Variants in PHF20 observed in about 807,000 individuals in gnomAD.
The protein encoded by PHF20 is glioma-expressed antigen 2.
A neutral mutation model predicts 113.5 loss-of-function variants in PHF20; 23 were observed. The observed-to-expected ratio is 0.20, with a 90% CI of 0.15 to 0.29. The LOEUF (loss-of-function observed/expected upper bound fraction) is 0.29, where lower values mean the gene tolerates loss of function less well. PHF20 is among the 10% of genes least tolerant of loss of function. The probability of loss-of-function intolerance (pLI) is 1.00; values close to 1 mark genes in which losing one functional copy is unlikely to be tolerated. For synonymous variants in PHF20, 434 were observed against 457.3 expected (o/e 0.95, Z 0.65); for missense variants, 943 against 1,219.6 (o/e 0.77, Z 3.38).
chr20:35,880,941 C>T (rs1359571871), intron 9 of PHF20, among the ~76,000 whole-genome samples: 1 of 150,720 alleles, frequency 6.6e-6, no homozygotes, highest in African/African-American at 2.5e-5. Context: ...GCCTAAATGA[C>T]AGAGCGAGAC....
At chr20:35,935,305 CTT>C (rs2055843405) in intron 15 of PHF20, among the ~76,000 whole-genome samples, 1 of 152,158 alleles carries the variant, frequency 6.6e-6, no homozygotes. Context: ...ATGCTGTTCT[CTT>C]TTTTCTTACA....
intron 2 of PHF20, among the ~76,000 whole-genome samples, chr20:35,811,804 T>C (rs2041983026): frequency 6.6e-6 from 1 of 151,758 alleles, no homozygotes; most frequent in African/African-American, 2.4e-5. Flanking sequence ...GGAGTCTCGC[T>C]CTGTCTCCCA....
intron 1 of PHF20, among the ~76,000 whole-genome samples, chr20:35,788,614 G>C (rs1446976234): frequency 6.6e-6 from 1 of 152,076 alleles, no homozygotes; most frequent in Middle Eastern, 3.4e-3. Flanking sequence ...GTCTCGCTCT[G>C]TTGCCCAGGC....
intron 1 of PHF20, among the ~76,000 whole-genome samples, chr20:35,775,480 G>A (rs2041153850): frequency 6.6e-6 from 1 of 151,998 alleles, no homozygotes. Flanking sequence ...AAACTGGCTG[G>A]GCACGGTGGC....
intron 9 of PHF20, chr20:35,887,717 AATAATTGAAAAT>A (rs1438723134): frequency 1.7e-4 from 26 of 152,058 alleles, no homozygotes; most frequent in African/African-American, 6.3e-4. Flanking sequence ...TGATTATTAA[AATAATTGAAAAT>A]TTTCCCAATA....
rs1017439284 is a variant in PHF20, at chr20:35,847,452, T to C, written c.340+18T>C. On this transcript the variant is annotated intron_variant, in intron 4 of 17. Coordinates refer to ENST00000374012, the MANE Select transcript of PHF20 (RefSeq NM_016436.5). Reference sequence around the variant, plus strand: ...CAAGGATGGTAAGGCATTTGAGTTGTAGTTGTTTTTACTCATGACTTAGGT... The same window carrying C: ...CAAGGATGGTAAGGCATTTGAGTTGCAGTTGTTTTTACTCATGACTTAGGT... The C allele has an allele frequency of 3.9e-6, 6 of 1,549,688 alleles. No homozygotes were observed. The highest frequency in any genetic ancestry group is 1.4e-5 in the African/African-American group (1 of 73,460).
At chr20:35,888,142 G>A (rs2054773552) in intron 9 of PHF20, among the ~76,000 whole-genome samples, 1 of 151,842 alleles carries the variant, frequency 6.6e-6, no homozygotes, top group African/African-American at 2.4e-5. Context: ...CACCATGCCC[G>A]GCTAATTTTG....
At chr20:35,929,767 C>CATG (rs1385921824) in intron 14 of PHF20, among the ~76,000 whole-genome samples, 1 of 152,274 alleles carries the variant, frequency 6.6e-6, no homozygotes, top group Non-Finnish European at 1.5e-5. Flanking sequence ...CTTCCTTGAA[C>CATG]TGAGCACAGC....
intron 2 of PHF20, among the ~76,000 whole-genome samples, chr20:35,802,351 G>A (rs199590313): frequency 6.3e-5 from 9 of 142,188 alleles, no homozygotes; most frequent in African/African-American, 2.1e-4. Context: ...AAGGGTTTTT[G>A]TTTTTTTTTT....
At chr20:35,871,897 A>G (rs185007909) in intron 9 of PHF20, 68 bp downstream of exon 9, 1 of 1,171,940 alleles carries the variant, frequency 8.5e-7, no homozygotes, top group East Asian at 2.5e-5. Context: ...TGAACTAAAA[A>G]AAAAAAAATG....
At chr20:35,799,552 G>A (rs1160937516) in intron 1 of PHF20, among the ~76,000 whole-genome samples, 2 of 152,086 alleles carry the variant, frequency 1.3e-5, no homozygotes, top group Non-Finnish European at 2.9e-5. Context: ...CTGTTCAAGT[G>A]CCCTTAGAGT....
chr20:35,776,979 G>C (rs1328200532), intron 1 of PHF20, among the ~76,000 whole-genome samples: 3 of 152,220 alleles, frequency 2.0e-5, no homozygotes, highest in Non-Finnish European at 4.4e-5. Context: ...CAGCCTGCCA[G>C]TTATTCCCTT....
chr20:35,857,860 A>G (rs2042867007), intron 4 of PHF20, among the ~76,000 whole-genome samples: 1 of 152,346 alleles, frequency 6.6e-6, no homozygotes, highest in Admixed American at 6.5e-5. Flanking sequence ...CTGGGATTAC[A>G]GGCGTGAGCC....
chr20:35,858,761 C>T (rs973249247), intron 5 of PHF20, among the ~76,000 whole-genome samples: 1 of 152,008 alleles, frequency 6.6e-6, no homozygotes, highest in Admixed American at 6.6e-5. Context: ...TTAGTAGAGA[C>T]GGGGTTTCAC....
At chr20:35,828,011 TTTTATTTA>T (rs144459460) in intron 2 of PHF20, among the ~76,000 whole-genome samples, 7,230 of 151,708 alleles carry the variant, frequency 0.048, 213 homozygotes, top group African/African-American at 0.088. Flanking sequence ...CACTCATTAG[TTTTATTTA>T]TTTATTTATT....
At chr20:35,780,506 A>G (rs1473009824) in intron 1 of PHF20, among the ~76,000 whole-genome samples, 3 of 150,468 alleles carry the variant, frequency 2.0e-5, no homozygotes, top group African/African-American at 7.3e-5. Flanking sequence ...GATTACAGGC[A>G]TGAGCCACCA....
At chr20:35,887,298 T>G (rs2054752373) in intron 9 of PHF20, among the ~76,000 whole-genome samples, 1 of 152,162 alleles carries the variant, frequency 6.6e-6, no homozygotes, top group Admixed American at 6.5e-5. Flanking sequence ...AAACAACACA[T>G]TTGTTTTCTC....
At chr20:35,939,843 G>A (rs2055942276) in intron 16 of PHF20, among the ~76,000 whole-genome samples, 1 of 152,120 alleles carries the variant, frequency 6.6e-6, no homozygotes, top group South Asian at 2.1e-4. Flanking sequence ...TTGCTGCATG[G>A]TGCCAAGGGG....
chr20:35,864,165 T>G (rs1488049462), intron 6 of PHF20, among the ~76,000 whole-genome samples: 1 of 152,170 alleles, frequency 6.6e-6, no homozygotes, highest in Non-Finnish European at 1.5e-5. Flanking sequence ...CATTCTTGAT[T>G]GTGCATTCTT....
Sources: gnomAD v4.1 joint callset for allele counts (sites outside exome capture counted in the v4.1 genomes callset) on GRCh38, gnomAD v4.1.1 for gene constraint, MANE v1.5 for transcripts, NCBI Gene and HGNC (gene_info 2026-07-23, HGNC 2026-07-21) for gene names.